RERE: variants seen among roughly 807,000 people sequenced by gnomAD.
RERE encodes arginine-glutamic acid dipeptide repeats.
A neutral mutation model predicts 146.1 loss-of-function variants in RERE; 40 were observed. The observed-to-expected ratio is 0.27, with a 90% CI of 0.21 to 0.36. The LOEUF is 0.36. Ranked by LOEUF, RERE falls within the 10% of genes least tolerant of loss-of-function variation. RERE has a pLI of 1.00. For synonymous variants in RERE, 1,003 were observed against 866.0 expected (o/e 1.16, Z -2.78); for missense variants, 1,933 against 2,138.7 (o/e 0.90, Z 1.90).
chr1:8,359,170 T>G (rs1421684309), intron 19 of RERE, among the ~76,000 whole-genome samples: 1 of 152,142 alleles, frequency 6.6e-6, no homozygotes, highest in African/African-American at 2.4e-5. Context: ...AGCTCATGCA[T>G]GGGTTGTCTA....
intron 11 of RERE, among the ~76,000 whole-genome samples, chr1:8,461,969 C>G (rs1408258311): frequency 6.6e-6 from 1 of 152,072 alleles, no homozygotes; most frequent in Admixed American, 6.6e-5. Flanking sequence ...CTCAGCCTCC[C>G]AAGTAACTGG....
chr1:8,567,041 G>A (rs920052929), intron 4 of RERE, among the ~76,000 whole-genome samples: 2 of 152,008 alleles, frequency 1.3e-5, no homozygotes, highest in South Asian at 2.1e-4. Flanking sequence ...CGCCTGACTC[G>A]GCCTCCCAAA....
At chr1:8,551,684 G>A (rs1315504233) in intron 6 of RERE, among the ~76,000 whole-genome samples, 2 of 152,194 alleles carry the variant, frequency 1.3e-5, no homozygotes, top group African/African-American at 4.8e-5. Context: ...GATGCTCTTT[G>A]AGGGACTTTC....
chr1:8,613,474 G>T (rs947154656), intron 4 of RERE, among the ~76,000 whole-genome samples: 1 of 152,054 alleles, frequency 6.6e-6, no homozygotes, highest in African/African-American at 2.4e-5. Context: ...ACTTCTTATT[G>T]ATGTATGAAA....
intron 1 of RERE, among the ~76,000 whole-genome samples, chr1:8,675,509 A>AT (rs1419639865): frequency 6.6e-6 from 1 of 151,492 alleles, no homozygotes; most frequent in Non-Finnish European, 1.5e-5. Flanking sequence ...AAAAAAAAAA[A>AT]AAAAAAATAC....
At chr1:8,445,436 A>G (rs1346088586) in intron 11 of RERE, among the ~76,000 whole-genome samples, 9 of 152,206 alleles carry the variant, frequency 5.9e-5, no homozygotes, top group African/African-American at 4.8e-5. Context: ...GGCACCTTCC[A>G]TTCTGTCACT....
At chr1:8,418,214 T>A (rs1226252354) in intron 12 of RERE, among the ~76,000 whole-genome samples, 1 of 152,230 alleles carries the variant, frequency 6.6e-6, no homozygotes. Context: ...CAAAATTTAG[T>A]TCTGATAATG....
At chr1:8,780,065 A>G (rs529184602) in intron 1 of RERE, among the ~76,000 whole-genome samples, 32 of 152,196 alleles carry the variant, frequency 2.1e-4, no homozygotes, top group Admixed American at 3.9e-4. Flanking sequence ...GGTGTTGTGC[A>G]CCTGTAATCC....
chr1:8,546,325 A>T (rs918587420), intron 6 of RERE, among the ~76,000 whole-genome samples: 5 of 151,230 alleles, frequency 3.3e-5, no homozygotes, highest in African/African-American at 1.2e-4. Flanking sequence ...ATATATATAT[A>T]TAATTTTAGT....
At chr1:8,359,625 G>C in intron 19 of RERE, 139 bp downstream of exon 19, 1 of 932,764 alleles carries the variant, frequency 1.1e-6, no homozygotes, top group Non-Finnish European at 1.7e-6. Flanking sequence ...TGTGGAGACA[G>C]GGTGTAAATA....
At chr1:8,395,093 T>C (rs1643011386) in intron 12 of RERE, among the ~76,000 whole-genome samples, 1 of 152,192 alleles carries the variant, frequency 6.6e-6, no homozygotes, top group African/African-American at 2.4e-5. Context: ...TGTCTAGTAT[T>C]TCCTGTAATA....
At chr1:8,671,498 C>G (rs143518562) in intron 1 of RERE, among the ~76,000 whole-genome samples, 1 of 152,336 alleles carries the variant, frequency 6.6e-6, no homozygotes, top group African/African-American at 2.4e-5. Flanking sequence ...ACACCTCCCC[C>G]TGCTGTTTCA....
chr1:8,370,276 C>A (rs72864288), intron 12 of RERE, among the ~76,000 whole-genome samples: 1 of 151,878 alleles, frequency 6.6e-6, no homozygotes, highest in Non-Finnish European at 1.5e-5. Context: ...GTGGGTGCTG[C>A]GTGAGTCCTT....
intron 7 of RERE, among the ~76,000 whole-genome samples, chr1:8,509,436 CCG>C (rs1645302114): frequency 3.8e-4 from 12 of 31,844 alleles, no homozygotes; most frequent in African/African-American, 7.9e-4. Context: ...ATCCATCCAT[CCG>C]TCCGTCCGTC....
At chr1:8,370,513 A>G (rs1430942944) in intron 12 of RERE, among the ~76,000 whole-genome samples, 2 of 152,218 alleles carry the variant, frequency 1.3e-5, no homozygotes, top group East Asian at 1.9e-4. Flanking sequence ...TTACGTCAAT[A>G]AAGCTGAAGA....
intron 1 of RERE, among the ~76,000 whole-genome samples, chr1:8,681,134 C>T (rs1638955949): frequency 6.6e-6 from 1 of 152,106 alleles, no homozygotes; most frequent in Non-Finnish European, 1.5e-5. Flanking sequence ...AAACTGAAAC[C>T]ATTCAGAAAT....
intron 1 of RERE, among the ~76,000 whole-genome samples, chr1:8,812,964 C>G (rs946826847): frequency 6.6e-6 from 1 of 151,942 alleles, no homozygotes; most frequent in African/African-American, 2.4e-5. Context: ...CACACACACA[C>G]ACAAACTATA....
chr1:8,725,169 C>T (rs1229570329), intron 1 of RERE, among the ~76,000 whole-genome samples: 2 of 152,218 alleles, frequency 1.3e-5, no homozygotes, highest in East Asian at 1.9e-4. Context: ...TCCTGTCTCA[C>T]TAGTGCACAT....
chr1:8,660,458 A>T (rs1275806523), intron 1 of RERE, among the ~76,000 whole-genome samples: 1 of 152,134 alleles, frequency 6.6e-6, no homozygotes, highest in Non-Finnish European at 1.5e-5. Flanking sequence ...GATTCTTCCA[A>T]CTCATGAAGT....
Sources: allele counts gnomAD v4.1 joint callset (sites outside exome capture counted in the v4.1 genomes callset), GRCh38; gene constraint gnomAD v4.1.1; transcripts MANE v1.5; gene names NCBI Gene and HGNC (gene_info 2026-07-23, HGNC 2026-07-21).